Variants in MSRA observed in about 807,000 individuals in gnomAD.
The protein encoded by MSRA is methionine sulfoxide reductase A, also known as mitochondrial peptide methionine sulfoxide reductase.
In MSRA, 54 loss-of-function variants were observed where a neutral mutation model predicts 31.3. The observed-to-expected ratio is 1.73, with a 90% CI of 1.39 to 2.17. The LOEUF (loss-of-function observed/expected upper bound fraction) is 2.17. Among genes scored for constraint, MSRA ranks in the 30% most tolerant of loss-of-function variants. The pLI, the probability that MSRA is intolerant of heterozygous loss-of-function variation, is 0.00. For missense variants in MSRA, 507 were observed against 300.9 expected, an observed-to-expected ratio of 1.69 and a Z score of -5.07; for synonymous variants, 169 against 116.5, an observed-to-expected ratio of 1.45 and a Z score of -2.90.
intron 1 of MSRA, among the ~76,000 whole-genome samples, chr8:10,180,916 T>C (rs1806477789): frequency 6.6e-6 from 1 of 152,168 alleles, no homozygotes; most frequent in Admixed American, 6.5e-5. Flanking sequence ...AATTGGAAAA[T>C]TCTGTTTTAG....
chr8:10,428,573 A>T lies in MSRA; in HGVS notation c.*261A>T. 1 of 428,230 alleles carries T rather than the reference A, an allele frequency of 2.3e-6. No individual in the cohort carries two copies. Among genetic ancestry groups the T allele is most frequent in the Non-Finnish European group, 4.2e-6 (1 of 237,638 alleles). 26.5% of individuals were successfully genotyped at this position (428,230 alleles called of 1,614,324 possible). A position where few individuals can be genotyped will look rare whatever the true frequency, so the allele number is the denominator to read the frequency against. ...TGGGGTCTGAGTGAAGATAGCAGGG[A>T]TGCTGTGTTCACCCTTCTTGGTAGA... On this transcript the variant is annotated 3_prime_UTR_variant, in exon 6 of 6. Transcript: ENST00000317173.
chr8:10,361,916 G>T (rs1169638384), intron 5 of MSRA, among the ~76,000 whole-genome samples: 1 of 151,928 alleles, frequency 6.6e-6, no homozygotes, highest in Non-Finnish European at 1.5e-5. Flanking sequence ...CCTTACCGTT[G>T]TCTTCCCCCT....
intron 5 of MSRA, among the ~76,000 whole-genome samples, chr8:10,344,570 G>C (rs182394872): frequency 0.041 from 2,829 of 69,194 alleles, 51 homozygotes; most frequent in Middle Eastern, 0.094. Flanking sequence ...GGGAGACTCC[G>C]TCTCAAAAAA....
At chr8:10,125,155 G>C (rs183166938) in intron 1 of MSRA, among the ~76,000 whole-genome samples, 14 of 152,332 alleles carry the variant, frequency 9.2e-5, no homozygotes, top group Non-Finnish European at 1.0e-4. Flanking sequence ...CTTGAACATT[G>C]TAATGGGTGT....
At chr8:10,200,857 A>C (rs1808433149) in intron 1 of MSRA, among the ~76,000 whole-genome samples, 1 of 152,106 alleles carries the variant, frequency 6.6e-6, no homozygotes, top group East Asian at 1.9e-4. Flanking sequence ...CCCCTGCCCC[A>C]GATTTGAGTG....
At chr8:10,205,391 G>A (rs1563216590) in intron 1 of MSRA, among the ~76,000 whole-genome samples, 1 of 152,090 alleles carries the variant, frequency 6.6e-6, no homozygotes, top group East Asian at 1.9e-4. Context: ...GGAAGAGAAG[G>A]GATAAGGACA....
intron 4 of MSRA, among the ~76,000 whole-genome samples, chr8:10,305,577 C>G (rs1801091467): frequency 6.6e-6 from 1 of 152,094 alleles, no homozygotes; most frequent in African/African-American, 2.4e-5. Flanking sequence ...CCACACCCAG[C>G]TAATTTTTGT....
At chr8:10,246,922 T>G (rs1205119436) in intron 3 of MSRA, among the ~76,000 whole-genome samples, 1 of 152,236 alleles carries the variant, frequency 6.6e-6, no homozygotes, top group African/African-American at 2.4e-5. Flanking sequence ...TCTCAAGTCT[T>G]AGGAATGGAA....
intron 1 of MSRA, among the ~76,000 whole-genome samples, chr8:10,103,627 C>T (rs1799677526): frequency 6.6e-6 from 1 of 152,140 alleles, no homozygotes; most frequent in African/African-American, 2.4e-5. Context: ...TCTCCAGACA[C>T]ATGAGGATGA....
chr8:10,245,067 A>C (rs753220862), intron 2 of MSRA, 37 bp from the exon 3 acceptor site: 1 of 1,603,842 alleles, frequency 6.2e-7, no homozygotes, highest in South Asian at 1.1e-5. Flanking sequence ...TGTTTTGAAT[A>C]ATCAGTATCC....
At chr8:10,402,706 G>C (rs1807542693) in intron 5 of MSRA, among the ~76,000 whole-genome samples, 1 of 152,204 alleles carries the variant, frequency 6.6e-6, no homozygotes, top group Non-Finnish European at 1.5e-5. Flanking sequence ...TGCCCTTTGG[G>C]TGGAAGGTTT....
chr8:10,355,865 G>A (rs534362453), intron 5 of MSRA, among the ~76,000 whole-genome samples: 2 of 152,194 alleles, frequency 1.3e-5, no homozygotes, highest in African/African-American at 2.4e-5. Flanking sequence ...GAGGTCTAGA[G>A]ATAAGGAGTG....
At chr8:10,260,369 A>G (rs966494003) in intron 3 of MSRA, among the ~76,000 whole-genome samples, 1 of 152,124 alleles carries the variant, frequency 6.6e-6, no homozygotes, top group Non-Finnish European at 1.5e-5. Context: ...CAGGAGCCTG[A>G]GATGGATGGA....
intron 5 of MSRA, among the ~76,000 whole-genome samples, chr8:10,418,827 A>AAAAAC (rs1808635734): frequency 1.2e-5 from 1 of 84,294 alleles, no homozygotes; most frequent in South Asian, 5.9e-4. Context: ...AAAAAAAAAA[A>AAAAAC]AAAAAAAAAA....
intron 1 of MSRA, among the ~76,000 whole-genome samples, chr8:10,139,764 A>T (rs1802549685): frequency 1.3e-5 from 2 of 152,188 alleles, no homozygotes; most frequent in South Asian, 4.1e-4. Flanking sequence ...TTATCCAGTC[A>T]TCTGGTGGTG....
In MSRA at chr8:10,428,206, T is replaced by C. The variant is rs1809310397; in HGVS notation, c.602T>C (p.Phe201Ser). The C allele has an allele frequency of 6.2e-7, 1 of 1,614,176 alleles. No homozygotes were observed. Among genetic ancestry groups the C allele is most frequent in the African/African-American group, 1.3e-5 (1 of 75,036 alleles). Residue 201 changes from phenylalanine (F) to serine (S), a missense_variant, in exon 6 of 6, where the codon TTC (phenylalanine) becomes TCC (serine). Physicochemically the swap from Phe to Ser is radical, Grantham distance 155 (BLOSUM62 -2). Transcript: ENST00000317173. ...ITTDIREGQT[F>S]YYAEDYHQQY... The stretch of plus-strand genomic sequence containing the variant: ...ACCGACATCCGGGAGGGACAGACTT[T>C]CTACTATGCGGAAGACTACCACCAG...
intron 5 of MSRA, among the ~76,000 whole-genome samples, chr8:10,331,597 C>T (rs143032844): frequency 6.6e-6 from 1 of 152,164 alleles, no homozygotes; most frequent in African/African-American, 2.4e-5. Flanking sequence ...ATTCCATAAG[C>T]TTTTCACCCA....
chr8:10,094,471 A>C (rs369085142), intron 1 of MSRA, among the ~76,000 whole-genome samples: 56 of 152,360 alleles, frequency 3.7e-4, no homozygotes, highest in African/African-American at 1.3e-3. Context: ...TATGTGCATA[A>C]ACGTAGTAGT....
intron 2 of MSRA, among the ~76,000 whole-genome samples, chr8:10,230,180 G>C (rs1811345683): frequency 6.6e-6 from 1 of 152,220 alleles, no homozygotes; most frequent in Non-Finnish European, 1.5e-5. Flanking sequence ...GCAGAGAGGG[G>C]GTTACAGGGA....
Sources: allele counts gnomAD v4.1 joint callset (sites outside exome capture counted in the v4.1 genomes callset), GRCh38; gene constraint gnomAD v4.1.1; transcripts MANE v1.5; gene names NCBI Gene and HGNC (gene_info 2026-07-23, HGNC 2026-07-21).